The following CDH18 variants were observed in gnomAD, a reference collection of about 807,000 sequenced individuals.
CDH18 encodes cadherin 18.
CDH18 carries 31 observed loss-of-function variants against 67.9 expected under a neutral mutation model. The observed-to-expected ratio is 0.46, with a 90% CI of 0.34 to 0.62. The LOEUF is 0.62. Among genes scored for constraint, CDH18 ranks in the 20% least tolerant of loss-of-function variants. The probability of loss-of-function intolerance (pLI) is 0.01; values close to 1 mark genes in which losing one functional copy is unlikely to be tolerated. For missense variants in CDH18, 890 were observed against 975.5 expected (o/e 0.91, Z 1.17); for synonymous variants, 362 against 347.2 (o/e 1.04, Z -0.48).
At chr5:20,573,863 A>AATATATAT (rs1382788371) in intron 1 of CDH18, among the ~76,000 whole-genome samples, 2 of 22,350 alleles carry the variant, frequency 8.9e-5, no homozygotes. Flanking sequence ...ATATAAAAGA[A>AATATATAT]ATATATATAT....
At chr5:19,799,823 A>G (rs1245155001) in intron 3 of CDH18, among the ~76,000 whole-genome samples, 15 of 152,188 alleles carry the variant, frequency 9.9e-5, no homozygotes, top group Non-Finnish European at 1.8e-4. Flanking sequence ...TGCTTAGCAC[A>G]TGCAAACTTT....
In CDH18 at chr5:20,088,109, T is replaced by C. The variant is rs144510611; in HGVS notation, c.-517-96095A>G. On this transcript the variant is annotated intron_variant, in intron 2 of 14. Coordinates refer to the CDH18 transcript ENST00000507958. ...GGTTTGCAAATAACAACCCAGAAAT[T>C]AGATGGAAAATACAGTTCAAGGGAT... Among the ~76,000 whole-genome samples, 100 of 152,270 alleles carry C rather than the reference T, an allele frequency of 6.6e-4. 1 individual carries two copies. In the South Asian group the frequency reaches 0.018, roughly 27 times the overall value.
At chr5:19,530,561 C>T (rs1216413683) in intron 9 of CDH18, among the ~76,000 whole-genome samples, 3 of 152,206 alleles carry the variant, frequency 2.0e-5, no homozygotes, top group East Asian at 1.9e-4. Context: ...TTAGGTATAT[C>T]TCCCAGTGCT....
At chr5:20,072,703 T>G (rs1296909916) in intron 2 of CDH18, among the ~76,000 whole-genome samples, 1 of 151,978 alleles carries the variant, frequency 6.6e-6, no homozygotes, top group African/African-American at 2.4e-5. Flanking sequence ...TTTTAGAATA[T>G]TTTTAGAATA....
At chr5:19,787,347 G>A (rs995140033) in intron 3 of CDH18, among the ~76,000 whole-genome samples, 1 of 152,028 alleles carries the variant, frequency 6.6e-6, no homozygotes, top group African/African-American at 2.4e-5. Context: ...AGCTACTAGG[G>A]AGGCTGAGGC....
chr5:20,563,505 G>T (rs1490945132), intron 1 of CDH18, among the ~76,000 whole-genome samples: 4 of 151,742 alleles, frequency 2.6e-5, no homozygotes, highest in Non-Finnish European at 4.4e-5. Flanking sequence ...TTTTTTGTGT[G>T]TTTTTTTAAA....
intron 3 of CDH18, among the ~76,000 whole-genome samples, chr5:19,809,186 A>G (rs988617394): frequency 2.6e-5 from 4 of 152,158 alleles, no homozygotes; most frequent in Non-Finnish European, 4.4e-5. Flanking sequence ...CAAGCAATCT[A>G]GAAACAGTAA....
At chr5:20,218,082 A>G (rs558300009) in intron 2 of CDH18, among the ~76,000 whole-genome samples, 1 of 151,932 alleles carries the variant, frequency 6.6e-6, no homozygotes, top group Non-Finnish European at 1.5e-5. Flanking sequence ...AGATTTTAAT[A>G]CCCCACTTTC....
At chr5:20,173,647 G>A (rs1737015543) in intron 2 of CDH18, among the ~76,000 whole-genome samples, 1 of 151,864 alleles carries the variant, frequency 6.6e-6, no homozygotes, top group Non-Finnish European at 1.5e-5. Context: ...AGATTAGCAG[G>A]GACAAAAAGG....
At chr5:20,239,461 A>T (rs1399380802) in intron 2 of CDH18, among the ~76,000 whole-genome samples, 1 of 152,188 alleles carries the variant, frequency 6.6e-6, no homozygotes, top group Non-Finnish European at 1.5e-5. Flanking sequence ...ATCTCCAAAA[A>T]ACAAAAAATT....
chr5:19,703,217 A>G (rs372579964), intron 5 of CDH18, among the ~76,000 whole-genome samples: 37 of 152,162 alleles, frequency 2.4e-4, no homozygotes, highest in African/African-American at 8.4e-4. Flanking sequence ...CATGGGGCTC[A>G]AACCTGGGTC....
chr5:20,270,608 T>C (rs550738002), intron 1 of CDH18, among the ~76,000 whole-genome samples: 6 of 152,154 alleles, frequency 3.9e-5, no homozygotes, highest in African/African-American at 7.2e-5. Context: ...AAAAATACCA[T>C]TGGACTCAGC....
chr5:19,804,491 C>T (rs1019188289), intron 3 of CDH18, among the ~76,000 whole-genome samples: 2 of 152,010 alleles, frequency 1.3e-5, no homozygotes, highest in South Asian at 4.2e-4. Flanking sequence ...TTGCCACTTT[C>T]GAGGGTTGGT....
intron 11 of CDH18, among the ~76,000 whole-genome samples, chr5:19,484,773 G>A (rs1047187357): frequency 2.0e-5 from 3 of 152,204 alleles, no homozygotes; most frequent in African/African-American, 7.2e-5. Context: ...ACTCTACGCT[G>A]TCGTTCTTCC....
At chr5:19,661,431 T>G (rs1440964524) in intron 5 of CDH18, among the ~76,000 whole-genome samples, 3 of 151,986 alleles carry the variant, frequency 2.0e-5, no homozygotes, top group Non-Finnish European at 2.9e-5. Flanking sequence ...ATATAAATGA[T>G]ACTTGATAGA....
intron 1 of CDH18, among the ~76,000 whole-genome samples, chr5:20,373,991 A>T (rs552286012): frequency 6.6e-6 from 1 of 152,194 alleles, no homozygotes; most frequent in African/African-American, 2.4e-5. Context: ...GATGGAAAAC[A>T]TAATATTTAA....
At chr5:19,480,742 T>C (rs932285615) in intron 12 of CDH18, among the ~76,000 whole-genome samples, 7 of 151,750 alleles carry the variant, frequency 4.6e-5, no homozygotes, top group Admixed American at 4.6e-4. Context: ...TACATATTTA[T>C]TTGTTTTTAT....
chr5:20,531,338 G>T (rs765529931), intron 1 of CDH18, among the ~76,000 whole-genome samples: 1 of 151,972 alleles, frequency 6.6e-6, no homozygotes, highest in Non-Finnish European at 1.5e-5. Context: ...TGGCAATTCT[G>T]CAAAGATTAA....
chr5:20,361,604 T>C (rs2150072039), intron 1 of CDH18, among the ~76,000 whole-genome samples: 1 of 152,218 alleles, frequency 6.6e-6, no homozygotes, highest in South Asian at 2.1e-4. Flanking sequence ...ATAACTAAAA[T>C]GCCTTGCTAG....
Sources: gnomAD v4.1 joint callset for allele counts (sites outside exome capture counted in the v4.1 genomes callset) on GRCh38, gnomAD v4.1.1 for gene constraint, MANE v1.5 for transcripts, NCBI Gene and HGNC (gene_info 2026-07-23, HGNC 2026-07-21) for gene names.